Variants in PHKB observed in about 807,000 individuals in gnomAD.
The protein encoded by PHKB is phosphorylase b kinase regulatory subunit beta.
A neutral mutation model predicts 152.1 loss-of-function variants in PHKB; 122 were observed. The ratio of observed to expected loss-of-function variants is 0.80; its 90% CI spans 0.69 to 0.93. PHKB has a LOEUF of 0.93. Among genes scored for constraint, PHKB ranks in the 40% least tolerant of loss-of-function variants. PHKB has a pLI of 0.00. For synonymous variants in PHKB, 436 were observed against 464.9 expected (o/e 0.94, Z 0.80); for missense variants, 1,304 against 1,328.4 (o/e 0.98, Z 0.29).
chr16:47,650,389 A>T (rs1209662140), intron 18 of PHKB, among the ~76,000 whole-genome samples, 155 bp from the exon 19 acceptor site: 1 of 152,192 alleles, frequency 6.6e-6, no homozygotes, highest in Non-Finnish European at 1.5e-5. Context: ...AACCTGCTAG[A>T]GTACTTCTAC....
chr16:47,600,895 G>C (rs527454218), intron 13 of PHKB, among the ~76,000 whole-genome samples: 1 of 152,220 alleles, frequency 6.6e-6, no homozygotes, highest in Non-Finnish European at 1.5e-5. Context: ...CTGTGTCCCA[G>C]CATTTGGGGA....
chr16:47,688,097 G>A (rs917343874), intron 26 of PHKB, among the ~76,000 whole-genome samples: 1 of 152,194 alleles, frequency 6.6e-6, no homozygotes, highest in African/African-American at 2.4e-5. Flanking sequence ...GAAAGAGAAG[G>A]CGTGGGGGAG....
At chr16:47,692,109 G>T (rs1974072091) in intron 27 of PHKB, among the ~76,000 whole-genome samples, 1 of 152,180 alleles carries the variant, frequency 6.6e-6, no homozygotes, top group African/African-American at 2.4e-5. Flanking sequence ...CCTATTAAAA[G>T]AAATTTTATG....
chr16:47,634,587 T>C (rs1335104747), intron 14 of PHKB, among the ~76,000 whole-genome samples: 1 of 152,212 alleles, frequency 6.6e-6, no homozygotes, highest in African/African-American at 2.4e-5. Context: ...AGAACAACTT[T>C]GGCCATGGTG....
At chr16:47,474,676 T>C (rs930268530) in intron 1 of PHKB, among the ~76,000 whole-genome samples, 1 of 152,142 alleles carries the variant, frequency 6.6e-6, no homozygotes. Flanking sequence ...AAATCAACAA[T>C]ATGTCAAAAA....
At chr16:47,470,671 GACCCTATT>G in intron 1 of PHKB, among the ~76,000 whole-genome samples, 1 of 152,262 alleles carries the variant, frequency 6.6e-6, no homozygotes, top group East Asian at 1.9e-4. Flanking sequence ...AACTCTGGCA[GACCCTATT>G]ACCCAGCCAC....
chr16:47,564,981 G>T, intron 7 of PHKB: 1 of 235,854 alleles, frequency 4.2e-6, no homozygotes, highest in Non-Finnish European at 8.5e-6. Flanking sequence ...TCCCCCAGGA[G>T]ATGGTGAGTT....
Position 47,580,443 on chromosome 16 carries a change from T to G in PHKB, c.774+85T>G, listed in dbSNP as rs538690691. ...CTATTCATTAACAAAGTCATTTCCT[T>G]ATAATCAGAGAATGTCCAAAATTTA... is the stretch of plus-strand genomic sequence containing the variant. On this transcript the variant is annotated intron_variant, in intron 8 of 30. Transcript: ENST00000323584. 3.0e-6 allele frequency: 3 copies of G among 1,008,770 alleles called. No individual in the cohort carries two copies. The South Asian group carries it at 3.9e-5, about 13-fold the overall frequency. 62.5% of individuals were successfully genotyped at this position (1,008,770 alleles called of 1,614,324 possible).
chr16:47,689,243 A>T (rs1974018555), intron 27 of PHKB, 68 bp downstream of exon 27: 5 of 1,493,136 alleles, frequency 3.3e-6, no homozygotes, highest in Non-Finnish European at 4.7e-6. Context: ...TTTTAGCTTG[A>T]TATATCTATG....
chr16:47,531,813 T>C (rs1970866014), intron 6 of PHKB, among the ~76,000 whole-genome samples: 1 of 152,214 alleles, frequency 6.6e-6, no homozygotes, highest in African/African-American at 2.4e-5. Flanking sequence ...GAACTACTAT[T>C]GGAGAGGAAA....
At chr16:47,636,922 G>T (rs569946834) in intron 14 of PHKB, among the ~76,000 whole-genome samples, 9 of 152,264 alleles carry the variant, frequency 5.9e-5, no homozygotes, top group Admixed American at 2.6e-4. Flanking sequence ...GAGAAACTGT[G>T]CTTTTTCCGG....
chr16:47,515,484 G>T (rs1213737362), intron 5 of PHKB, 37 bp from the exon 6 acceptor site: 12 of 927,262 alleles, frequency 1.3e-5, no homozygotes, highest in Non-Finnish European at 2.2e-5. Context: ...TGTTTTGGTT[G>T]TTTCCTTTAA....
intron 6 of PHKB, among the ~76,000 whole-genome samples, chr16:47,526,206 C>G (rs746341102): frequency 4.7e-5 from 7 of 149,146 alleles, no homozygotes; most frequent in Admixed American, 1.3e-4. Context: ...GTCAGGAGTT[C>G]GAGACCAGCC....
intron 16 of PHKB, 132 bp from the exon 17 acceptor site, chr16:47,648,401 A>G: frequency 1.4e-6 from 1 of 732,796 alleles, no homozygotes; most frequent in Non-Finnish European, 2.5e-6. Flanking sequence ...TTGTCTTCCT[A>G]CAAGTTTTTG....
At chr16:47,614,521 AT>A (rs961347711) in intron 14 of PHKB, among the ~76,000 whole-genome samples, 2 of 152,166 alleles carry the variant, frequency 1.3e-5, no homozygotes, top group Non-Finnish European at 2.9e-5. Flanking sequence ...GTTTTTTCAT[AT>A]ATCACTTTTT....
chr16:47,654,744 T>C (rs547704165), intron 20 of PHKB, among the ~76,000 whole-genome samples: 1 of 148,068 alleles, frequency 6.8e-6, no homozygotes, highest in East Asian at 2.0e-4. Flanking sequence ...TAGGTGCGAA[T>C]TGAACAATGA....
At chr16:47,470,407 G>A (rs775927994) in intron 1 of PHKB, among the ~76,000 whole-genome samples, 2 of 152,192 alleles carry the variant, frequency 1.3e-5, no homozygotes, top group Non-Finnish European at 2.9e-5. Context: ...GCCTTTAAGC[G>A]GTTTTAGGCC....
intron 7 of PHKB, among the ~76,000 whole-genome samples, chr16:47,554,770 G>A (rs1971339090): frequency 6.6e-6 from 1 of 152,146 alleles, no homozygotes; most frequent in Non-Finnish European, 1.5e-5. Context: ...GCTAGGGGAG[G>A]GAGTTCCCTG....
chr16:47,652,605 T>C (rs1567342498), intron 20 of PHKB, among the ~76,000 whole-genome samples: 1 of 152,070 alleles, frequency 6.6e-6, no homozygotes, highest in Non-Finnish European at 1.5e-5. Context: ...TGGGATGGTA[T>C]CTCGTTGTGG....
Sources: gnomAD v4.1 joint callset for allele counts (sites outside exome capture counted in the v4.1 genomes callset) on GRCh38, gnomAD v4.1.1 for gene constraint, MANE v1.5 for transcripts, NCBI Gene and HGNC (gene_info 2026-07-23, HGNC 2026-07-21) for gene names.